NBEA: variants seen among roughly 807,000 people sequenced by gnomAD.
NBEA encodes the protein neurobeachin.
NBEA carries 44 observed loss-of-function variants against 343.4 expected under a neutral mutation model. The ratio of observed to expected loss-of-function variants is 0.13; its 90% CI spans 0.10 to 0.16. The LOEUF (loss-of-function observed/expected upper bound fraction) is 0.16. Ranked by LOEUF, NBEA falls within the 10% of genes least tolerant of loss-of-function variation. NBEA has a pLI of 1.00. For synonymous variants in NBEA, 1,175 were observed against 1,238.7 expected, an observed-to-expected ratio of 0.95 and a Z score of 1.08; for missense variants, 2,555 against 3,631.3, an observed-to-expected ratio of 0.70 and a Z score of 7.62.
intron 38 of NBEA, among the ~76,000 whole-genome samples, chr13:35,352,938 T>A (rs1421001643): frequency 6.6e-6 from 1 of 152,168 alleles, no homozygotes; most frequent in African/African-American, 2.4e-5. Flanking sequence ...GTTGTTGTTA[T>A]CTATACAATG....
At chr13:35,006,296 G>A (rs889669772) in intron 1 of NBEA, among the ~76,000 whole-genome samples, 10 of 151,474 alleles carry the variant, frequency 6.6e-5, no homozygotes, top group African/African-American at 2.4e-4. Context: ...TATTCTTTTA[G>A]TGGTAACCCT....
chr13:35,394,568 C>A (rs1341601805), intron 38 of NBEA, among the ~76,000 whole-genome samples: 1 of 151,936 alleles, frequency 6.6e-6, no homozygotes, highest in Non-Finnish European at 1.5e-5. Flanking sequence ...GCTACATGAG[C>A]AAACTCGCTG....
In NBEA at chr13:35,355,115, C is replaced by T. The variant is rs189014721; in HGVS notation, c.6179+2792C>T. 2.3e-3 allele frequency among the ~76,000 whole-genome samples: 344 copies of T among 152,274 alleles called. 2 individuals carry two copies. Among genetic ancestry groups the T allele is most frequent in the Admixed American group, 4.7e-3 (72 of 15,280 alleles). On this transcript the variant is annotated intron_variant, in intron 38 of 58. Coordinates refer to ENST00000379939, the MANE Select transcript of NBEA (RefSeq NM_001385012.1). ...TTACTGACACTGCCACAAAATATAT[C>T]CAGCTTCGACTGCTTCTCACCATTA...
chr13:35,490,835 T>C (rs1594794719), intron 41 of NBEA, among the ~76,000 whole-genome samples: 1 of 152,042 alleles, frequency 6.6e-6, no homozygotes, highest in East Asian at 1.9e-4. Context: ...TTCAAGTAAC[T>C]CTTCCAAGTT....
intron 1 of NBEA, among the ~76,000 whole-genome samples, chr13:35,023,571 T>G (rs552017651): frequency 3.2e-4 from 49 of 152,212 alleles, no homozygotes; most frequent in African/African-American, 1.1e-3. Context: ...GAGGTGGAAG[T>G]TAAGTTGGGC....
At chr13:35,427,623 A>G (rs1468324926) in intron 38 of NBEA, among the ~76,000 whole-genome samples, 2 of 152,044 alleles carry the variant, frequency 1.3e-5, no homozygotes, top group Non-Finnish European at 2.9e-5. Flanking sequence ...TCAGATCTCA[A>G]TCTGTGTGCT....
intron 8 of NBEA, among the ~76,000 whole-genome samples, chr13:35,060,212 C>T (rs1434079773): frequency 6.6e-6 from 1 of 151,660 alleles, no homozygotes; most frequent in African/African-American, 2.4e-5. Flanking sequence ...CAAGAAAATA[C>T]AAATCCAATA....
intron 48 of NBEA, among the ~76,000 whole-genome samples, chr13:35,620,460 C>CA (rs2082932616): frequency 6.6e-6 from 1 of 152,028 alleles, no homozygotes; most frequent in South Asian, 2.1e-4. Context: ...GCAAGGAGGC[C>CA]AGTGGGCCAG....
rs551978270 is a variant in NBEA at position 35,225,794 on chromosome 13, A to C, written c.5649-6698A>C. ...CATCCTAAGTCTTCTTGGAGTTCCT[A>C]TCCTCAGATTTCAAGCTGTTTGGTT... On this transcript the variant is annotated intron_variant, in intron 33 of 58. Transcript: ENST00000379939. Among the ~76,000 whole-genome samples, 23 of 152,158 alleles carry C rather than the reference A, an allele frequency of 1.5e-4. No individual in the cohort carries two copies. In the East Asian group the frequency reaches 3.7e-3, roughly 24 times the overall value.
chr13:35,113,644 C>T (rs74051263), intron 13 of NBEA, among the ~76,000 whole-genome samples: 1 of 143,394 alleles, frequency 7.0e-6, no homozygotes, highest in Non-Finnish European at 1.5e-5. Flanking sequence ...TGTCTATCAT[C>T]TTTTATATCA....
intron 17 of NBEA, among the ~76,000 whole-genome samples, chr13:35,134,510 T>G (rs976349290): frequency 1.3e-5 from 2 of 151,650 alleles, no homozygotes; most frequent in African/African-American, 2.4e-5. Flanking sequence ...TACTTAGAAA[T>G]TAAGAAGCAG....
intron 34 of NBEA, among the ~76,000 whole-genome samples, chr13:35,285,772 C>T (rs756491448): frequency 2.0e-5 from 3 of 152,112 alleles, no homozygotes; most frequent in Admixed American, 2.0e-4. Context: ...AGAGCTAATT[C>T]TGTCTGCGCC....
At chr13:35,191,382 TG>T (rs943435655) in intron 30 of NBEA, among the ~76,000 whole-genome samples, 2 of 152,162 alleles carry the variant, frequency 1.3e-5, no homozygotes, top group Non-Finnish European at 2.9e-5. Context: ...AAGATTTTCT[TG>T]GCTCTTAATT....
intron 41 of NBEA, among the ~76,000 whole-genome samples, chr13:35,547,581 A>C (rs537795403): frequency 2.6e-5 from 4 of 152,274 alleles, no homozygotes; most frequent in Non-Finnish European, 4.4e-5. Flanking sequence ...GCTAGTAAGA[A>C]ATAAAGATAA....
At chr13:35,335,625 G>A (rs996559362) in intron 36 of NBEA, among the ~76,000 whole-genome samples, 2 of 151,896 alleles carry the variant, frequency 1.3e-5, no homozygotes, top group African/African-American at 2.4e-5. Flanking sequence ...GACTTATGAT[G>A]GTTTTATTAG....
chr13:35,584,017 T>C lies in NBEA; in HGVS notation c.7155T>C (p.Thr2385=), dbSNP rs775455438. 3.5e-5 allele frequency: 57 copies of C among 1,613,594 alleles called. No homozygotes were observed. In the Admixed American group the frequency reaches 7.8e-4, roughly 22 times the overall value. Reference sequence around the variant, plus strand: ...CCCATTATTCAACAGCAACATCTACTTTATCCTGGCTTGTTCGAATTGTGA... The same window carrying C: ...CCCATTATTCAACAGCAACATCTACCTTATCCTGGCTTGTTCGAATTGTGA... ...YNTHYSTATS[T]LSWLVRIEPF... Residue 2385 remains threonine, a synonymous_variant, in exon 46 of 59, where the codon ACT becomes ACC. Coordinates refer to ENST00000379939, the MANE Select transcript of NBEA (RefSeq NM_001385012.1).
intron 40 of NBEA, among the ~76,000 whole-genome samples, chr13:35,462,035 T>C (rs969343282): frequency 6.6e-6 from 1 of 152,224 alleles, no homozygotes; most frequent in South Asian, 2.1e-4. Context: ...GAATAGAAAA[T>C]GTCAAGATTC....
intron 35 of NBEA, among the ~76,000 whole-genome samples, chr13:35,307,869 T>A (rs1836467569): frequency 6.6e-6 from 1 of 152,046 alleles, no homozygotes; most frequent in Admixed American, 6.6e-5. Flanking sequence ...GAAAAGAAAT[T>A]TTCTGTAATT....
chr13:35,052,675 C>T (rs1440734530), intron 6 of NBEA, among the ~76,000 whole-genome samples: 1 of 150,734 alleles, frequency 6.6e-6, no homozygotes, highest in Non-Finnish European at 1.5e-5. Context: ...TTTTTTTAAC[C>T]ATTGAAAAAC....
Sources: allele counts gnomAD v4.1 joint callset (sites outside exome capture counted in the v4.1 genomes callset), GRCh38; gene constraint gnomAD v4.1.1; transcripts MANE v1.5; gene names NCBI Gene and HGNC (gene_info 2026-07-23, HGNC 2026-07-21).